The following BCAS4 variants were observed in gnomAD, a reference collection of about 807,000 sequenced individuals.
The protein encoded by BCAS4 is breast carcinoma amplified sequence 4, also known as breast carcinoma-amplified sequence 4.
In BCAS4, 9 loss-of-function variants were observed where a neutral mutation model predicts 15.7. That is an observed-to-expected ratio of 0.57 (90% CI 0.34 to 1.00). BCAS4 has a LOEUF of 1.00. Among genes scored for constraint, BCAS4 ranks in the 50% least tolerant of loss-of-function variants. BCAS4 has a pLI of 0.02. For missense variants in BCAS4, 225 were observed against 239.1 expected, an observed-to-expected ratio of 0.94 and a Z score of 0.39; for synonymous variants, 101 against 99.5, an observed-to-expected ratio of 1.02 and a Z score of -0.09.
chr20:50,870,398 T>G (rs1979577017), intron 4 of BCAS4, among the ~76,000 whole-genome samples: 1 of 152,138 alleles, frequency 6.6e-6, no homozygotes, highest in South Asian at 2.1e-4. Context: ...TTGTTCTGAC[T>G]GGGGGGCTTC....
Position 50,851,389 on chromosome 20 carries a change from T to C in BCAS4, c.399+9489T>C, listed in dbSNP as rs912401707. 2.6e-5 allele frequency among the ~76,000 whole-genome samples: 4 copies of C among 152,150 alleles called. No homozygotes were observed. The highest frequency in any genetic ancestry group is 2.0e-4 in the Admixed American group (3 of 15,272). Reference sequence around the variant, plus strand: ...CACGGCTCCCAGGGACCTCCCGGGTTCGTTTCCTTCAAGGTCTTTGGTGGA... The same window carrying C: ...CACGGCTCCCAGGGACCTCCCGGGTCCGTTTCCTTCAAGGTCTTTGGTGGA... On this transcript the variant is annotated intron_variant, in intron 4 of 4. Transcript: ENST00000371608. This position sits in a 1 kb window ranked among gnomAD's most constrained non-coding sequence, Gnocchi z 4.3.
intron 4 of BCAS4, among the ~76,000 whole-genome samples, chr20:50,848,646 C>T (rs560359759): frequency 2.6e-5 from 4 of 152,222 alleles, no homozygotes; most frequent in East Asian, 1.9e-4. Flanking sequence ...AACCAGGGCT[C>T]GTTCTCTGCT....
intron 1 of BCAS4, among the ~76,000 whole-genome samples, chr20:50,813,796 T>C (rs1362825591): frequency 1.4e-5 from 2 of 139,204 alleles, no homozygotes; most frequent in African/African-American, 5.5e-5. Flanking sequence ...AGCGGGGATG[T>C]GGGAAAAAAA....
At chr20:50,824,033 A>G (rs979057061) in intron 2 of BCAS4, among the ~76,000 whole-genome samples, 1 of 152,194 alleles carries the variant, frequency 6.6e-6, no homozygotes, top group African/African-American at 2.4e-5. Context: ...TATTTATTAA[A>G]TGACTAACAA....
chr20:50,830,577 C>T (rs2088332085), intron 3 of BCAS4, among the ~76,000 whole-genome samples, 197 bp downstream of exon 3: 1 of 152,196 alleles, frequency 6.6e-6, no homozygotes, highest in African/African-American at 2.4e-5. Context: ...AGGCCAGGTG[C>T]AGTGGCTCAT....
intron 4 of BCAS4, among the ~76,000 whole-genome samples, chr20:50,848,591 T>G (rs1187502040): frequency 6.6e-6 from 1 of 152,204 alleles, no homozygotes; most frequent in Non-Finnish European, 1.5e-5. Context: ...GGGCGATTCT[T>G]GTAGCAGGGG....
rs1979977373 is a variant in BCAS4 at position 50,876,796 on chromosome 20, G to A, written c.*188G>A. On this transcript the variant is annotated 3_prime_UTR_variant, in exon 5 of 5. Transcript: ENST00000371608. ...TGGGCTCAAGTGATCCACCCACCTT[G>A]GCCTTCCAAAGTGGTGGGATTATGG... 1 of 717,982 alleles carries A rather than the reference G, an allele frequency of 1.4e-6. No individual in the cohort carries two copies. The highest frequency in any genetic ancestry group is 1.9e-5 in the African/African-American group (1 of 53,130). 44.5% of individuals were successfully genotyped at this position (717,982 alleles called of 1,614,324 possible).
At chr20:50,860,545 C>A (rs1979014997) in intron 4 of BCAS4, among the ~76,000 whole-genome samples, 1 of 152,324 alleles carries the variant, frequency 6.6e-6, no homozygotes, top group Non-Finnish European at 1.5e-5. Flanking sequence ...TTTTCACTCA[C>A]ATACTTCCCT....
intron 1 of BCAS4, among the ~76,000 whole-genome samples, chr20:50,806,667 G>A (rs764498516): frequency 3.0e-4 from 45 of 152,032 alleles, no homozygotes; most frequent in Non-Finnish European, 5.0e-4. Flanking sequence ...CAGAAGAGTT[G>A]CCTGGACTTC....
intron 4 of BCAS4, among the ~76,000 whole-genome samples, chr20:50,863,989 C>T (rs1377724770): frequency 6.6e-6 from 1 of 152,212 alleles, no homozygotes; most frequent in East Asian, 1.9e-4. Context: ...TGGCCTTTGC[C>T]CCATGGTGTT....
At position 50,798,108 on chromosome 20, in the gene BCAS4, C is replaced by T. The variant is rs1374120197; in HGVS notation, c.90+2935C>T. On this transcript the variant is annotated intron_variant, in intron 1 of 4. Coordinates refer to ENST00000371608, the MANE Select transcript of BCAS4 (RefSeq NM_198799.4). ...GCCAGGAGTTTGAGACCAGCCTGGC[C>T]AACATGGTGGAACCCTGTCTCTACT... is the stretch of plus-strand genomic sequence containing the variant. 2.6e-5 allele frequency among the ~76,000 whole-genome samples: 4 copies of T among 151,472 alleles called. No individual in the cohort carries two copies. In the East Asian group the frequency reaches 5.9e-4, roughly 23 times the overall value.
At chr20:50,870,995 G>C (rs149362257) in intron 4 of BCAS4, among the ~76,000 whole-genome samples, 51 of 152,356 alleles carry the variant, frequency 3.3e-4, no homozygotes, top group African/African-American at 1.2e-3. Flanking sequence ...CCGGGAGGAG[G>C]GGGTGGGGAG....
intron 2 of BCAS4, among the ~76,000 whole-genome samples, chr20:50,819,815 T>C (rs1200589835): frequency 1.4e-5 from 2 of 141,492 alleles, no homozygotes; most frequent in Non-Finnish European, 1.5e-5. Flanking sequence ...TCTTTCTGTC[T>C]TTCCGTCTTT....
chr20:50,865,554 G>A (rs1979314547), intron 4 of BCAS4, among the ~76,000 whole-genome samples: 1 of 152,164 alleles, frequency 6.6e-6, no homozygotes, highest in African/African-American at 2.4e-5. Flanking sequence ...TTCCAGAGCT[G>A]CCCCCTAGGG....
At chr20:50,849,541 C>T (rs1422087773) in intron 4 of BCAS4, among the ~76,000 whole-genome samples, 1 of 152,198 alleles carries the variant, frequency 6.6e-6, no homozygotes, top group Non-Finnish European at 1.5e-5. Flanking sequence ...CCCACAGTTG[C>T]AGCGCTCCCA....
At chr20:50,807,807 C>T (rs529442708) in intron 1 of BCAS4, among the ~76,000 whole-genome samples, 1 of 152,114 alleles carries the variant, frequency 6.6e-6, no homozygotes, top group Non-Finnish European at 1.5e-5. Flanking sequence ...TAATGGTCTC[C>T]ATTTCCATCC....
At chr20:50,862,055 G>A (rs1029119377) in intron 4 of BCAS4, among the ~76,000 whole-genome samples, 7 of 151,692 alleles carry the variant, frequency 4.6e-5, no homozygotes, top group Admixed American at 2.0e-4. Flanking sequence ...AGACACAGGA[G>A]TCTTGCTGTG....
chr20:50,847,924 A>G (rs1217119075), intron 4 of BCAS4, among the ~76,000 whole-genome samples: 1 of 152,084 alleles, frequency 6.6e-6, no homozygotes, highest in African/African-American at 2.4e-5. Flanking sequence ...GCATGCCTGT[A>G]TTCCCAGCTA....
At chr20:50,874,118 C>T (rs1012814310) in intron 4 of BCAS4, among the ~76,000 whole-genome samples, 5 of 152,144 alleles carry the variant, frequency 3.3e-5, no homozygotes, top group African/African-American at 1.2e-4. Context: ...TCCTGCTCTT[C>T]CTGAAGTGCA....
Sources: gnomAD v4.1 joint callset for allele counts (sites outside exome capture counted in the v4.1 genomes callset) on GRCh38, gnomAD v4.1.1 for gene constraint, Gnocchi (gnomAD v3.1) non-coding constraint, MANE v1.5 for transcripts, NCBI Gene and HGNC (gene_info 2026-07-23, HGNC 2026-07-21) for gene names.